Variants in BACH2 observed in about 807,000 individuals in gnomAD.
The protein encoded by BACH2 is BACH transcriptional regulator 2, also known as transcription regulator protein BACH2.
In BACH2, 5 loss-of-function variants were observed where a neutral mutation model predicts 61.8. The ratio of observed to expected loss-of-function variants is 0.08; its 90% CI spans 0.04 to 0.17. BACH2 has a LOEUF of 0.17. Among genes scored for constraint, BACH2 ranks in the 10% least tolerant of loss-of-function variants. BACH2 has a pLI of 1.00. For synonymous variants in BACH2, 446 were observed against 440.1 expected, an observed-to-expected ratio of 1.01 and a Z score of -0.17; for missense variants, 824 against 1,091.1, an observed-to-expected ratio of 0.76 and a Z score of 3.45.
At chr6:90,100,954 AAGTGGTAACTCACTAT>A (rs2127811724) in intron 4 of BACH2, among the ~76,000 whole-genome samples, 1 of 152,308 alleles carries the variant, frequency 6.6e-6, no homozygotes, top group East Asian at 1.9e-4. Context: ...AGTGGGGGTA[AAGTGGTAACTCACTAT>A]AATTTTGATT....
chr6:90,123,777 A>AG (rs1482503063), intron 4 of BACH2, among the ~76,000 whole-genome samples: 1 of 148,110 alleles, frequency 6.8e-6, no homozygotes, highest in Non-Finnish European at 1.5e-5. Context: ...CTCAAAAAAA[A>AG]AAAAAAAAAA....
rs1371132724 is a variant in BACH2, at chr6:90,101,715, T to C, written c.-161-12606A>G. Among the ~76,000 whole-genome samples the C allele has an allele frequency of 2.0e-5, 3 of 152,214 alleles. No homozygotes were observed. The East Asian group carries it at 5.8e-4, about 29-fold the overall frequency. On this transcript the variant is annotated intron_variant, in intron 4 of 8. Coordinates refer to ENST00000257749, the MANE Select transcript of BACH2 (RefSeq NM_021813.4). ...GTCAATTTCTGCAAAAATGCTGCAA[T>C]TTTGATAGGGATTGTGTTGACTATA...
At chr6:90,266,947 G>A (rs910850239) in intron 2 of BACH2, among the ~76,000 whole-genome samples, 1 of 152,116 alleles carries the variant, frequency 6.6e-6, no homozygotes, top group African/African-American at 2.4e-5. Context: ...GCAACGCATA[G>A]TCTTTGAGCA....
chr6:90,154,997 G>A (rs1216093258), intron 4 of BACH2, among the ~76,000 whole-genome samples: 2 of 152,224 alleles, frequency 1.3e-5, no homozygotes, highest in Non-Finnish European at 2.9e-5. Flanking sequence ...CAGCAGACAT[G>A]AGGAGAAGGG....
In BACH2 at chr6:89,927,370, G is replaced by A. The variant is rs1340577938; in HGVS notation, c.*5038C>T. On this transcript the variant is annotated 3_prime_UTR_variant, in exon 9 of 9. Transcript: ENST00000257749. ...CAAACATGTTTTGGTAGAAGACTGA[G>A]CATCCATCTGTAGGAAAACCCCTCT... The A allele has an allele frequency of 1.3e-5, 2 of 152,820 alleles. No individual in the cohort carries two copies. Among genetic ancestry groups the A allele is most frequent in the African/African-American group, 4.8e-5 (2 of 41,474 alleles). 9.5% of individuals were successfully genotyped at this position (152,820 alleles called of 1,614,324 possible).
At chr6:90,286,880 G>T (rs1772034344) in intron 1 of BACH2, among the ~76,000 whole-genome samples, 1 of 152,142 alleles carries the variant, frequency 6.6e-6, no homozygotes, top group Non-Finnish European at 1.5e-5. Context: ...ACAAAGAGGG[G>T]GTACTAGAGA....
intron 5 of BACH2, among the ~76,000 whole-genome samples, chr6:90,035,036 G>T (rs1779195166): frequency 6.6e-6 from 1 of 151,980 alleles, no homozygotes; most frequent in East Asian, 1.9e-4. Flanking sequence ...ATCTGACCAT[G>T]AATACACATA....
intron 6 of BACH2, among the ~76,000 whole-genome samples, chr6:89,955,116 C>CT (rs1269664395): frequency 2.6e-5 from 4 of 152,208 alleles, no homozygotes; most frequent in African/African-American, 9.7e-5. Flanking sequence ...CATGACTGCC[C>CT]TTATTCTGTA....
intron 4 of BACH2, among the ~76,000 whole-genome samples, chr6:90,181,590 G>A (rs1768166137): frequency 6.6e-6 from 1 of 151,988 alleles, no homozygotes; most frequent in Admixed American, 6.6e-5. Context: ...TTTAGAGACA[G>A]AGTTTTACTC....
rs539939658 is a variant in BACH2 at position 90,073,269 on chromosome 6, C to A, written c.-13+15692G>T. 1.4e-4 allele frequency among the ~76,000 whole-genome samples: 21 copies of A among 151,922 alleles called. No individual in the cohort carries two copies. In the South Asian group the frequency reaches 3.7e-3, roughly 27 times the overall value. ...AAAAGAGATCACCTCAGCTTTCCCT[C>A]TGAACCTCCCCAAACTGACTCTGCG... On this transcript the variant is annotated intron_variant, in intron 5 of 8. Coordinates refer to ENST00000257749, the MANE Select transcript of BACH2 (RefSeq NM_021813.4).
At chr6:90,230,910 C>A (rs577726933) in intron 3 of BACH2, among the ~76,000 whole-genome samples, 1 of 152,086 alleles carries the variant, frequency 6.6e-6, no homozygotes, top group Non-Finnish European at 1.5e-5. Context: ...ATTGATCATC[C>A]CTGGTGAGAA....
At chr6:90,266,146 G>A (rs1269715976) in intron 2 of BACH2, among the ~76,000 whole-genome samples, 1 of 152,184 alleles carries the variant, frequency 6.6e-6, no homozygotes, top group Admixed American at 6.5e-5. Flanking sequence ...AGCCATGAAT[G>A]TTCCTTGCGG....
chr6:90,102,982 A>G (rs970132877), intron 4 of BACH2, among the ~76,000 whole-genome samples: 1 of 136,600 alleles, frequency 7.3e-6, no homozygotes, highest in African/African-American at 2.8e-5. Flanking sequence ...ACCTTGCACA[A>G]AAACTGCTAA....
chr6:90,200,314 T>A (rs961135960), intron 4 of BACH2, among the ~76,000 whole-genome samples: 2 of 152,274 alleles, frequency 1.3e-5, no homozygotes, highest in Admixed American at 1.3e-4. Flanking sequence ...CTTGTACACA[T>A]CGGCAGTGTC....
chr6:90,177,363 G>A (rs1420002105), intron 4 of BACH2, among the ~76,000 whole-genome samples: 1 of 152,124 alleles, frequency 6.6e-6, no homozygotes, highest in African/African-American at 2.4e-5. Flanking sequence ...CATCTATTGA[G>A]CACCTACCGT....
At chr6:90,111,951 A>G (rs1304173394) in intron 4 of BACH2, among the ~76,000 whole-genome samples, 1 of 152,234 alleles carries the variant, frequency 6.6e-6, no homozygotes, top group Admixed American at 6.5e-5. Flanking sequence ...CCATGCAGGA[A>G]AGCTCTCTGC....
intron 5 of BACH2, among the ~76,000 whole-genome samples, chr6:90,037,419 G>C (rs1215615888): frequency 6.6e-6 from 1 of 152,232 alleles, no homozygotes; most frequent in African/African-American, 2.4e-5. Flanking sequence ...AAGGAGGCTA[G>C]TAAAGGAGCC....
chr6:89,983,881 T>C (rs2128363674), intron 6 of BACH2, among the ~76,000 whole-genome samples: 1 of 152,306 alleles, frequency 6.6e-6, no homozygotes, highest in African/African-American at 2.4e-5. Flanking sequence ...AGAATGGTTA[T>C]ACAGTTATAG....
chr6:90,074,924 G>A (rs1459094065), intron 5 of BACH2, among the ~76,000 whole-genome samples: 1 of 152,106 alleles, frequency 6.6e-6, no homozygotes, highest in African/African-American at 2.4e-5. Flanking sequence ...GACATGGGTA[G>A]GTAAGCAGGA....
Sources: gnomAD v4.1 joint callset for allele counts (sites outside exome capture counted in the v4.1 genomes callset) on GRCh38, gnomAD v4.1.1 for gene constraint, MANE v1.5 for transcripts, NCBI Gene and HGNC (gene_info 2026-07-23, HGNC 2026-07-21) for gene names.